Variants in ZNF280B observed in about 807,000 individuals in gnomAD.
The protein encoded by ZNF280B is suppressor of hairy wing homolog 2.
A neutral mutation model predicts 38.0 loss-of-function variants in ZNF280B; 16 were observed. The observed-to-expected ratio is 0.42, with a 90% CI of 0.28 to 0.64. The LOEUF (loss-of-function observed/expected upper bound fraction) is 0.64, where lower values mean the gene tolerates loss of function less well. ZNF280B is among the 30% of genes least tolerant of loss of function. The pLI is 0.21. For missense variants in ZNF280B, 581 were observed against 639.6 expected, an observed-to-expected ratio of 0.91 and a Z score of 0.99; for synonymous variants, 253 against 230.6, an observed-to-expected ratio of 1.10 and a Z score of -0.88.
At chr22:22,497,467 G>A (rs1203783982) in intron 2 of ZNF280B, among the ~76,000 whole-genome samples, 1 of 151,668 alleles carries the variant, frequency 6.6e-6, no homozygotes, top group Non-Finnish European at 1.5e-5. Flanking sequence ...GGAGGCGGAG[G>A]TTACAAAGGA....
intron 2 of ZNF280B, among the ~76,000 whole-genome samples, chr22:22,504,422 G>A (rs1165544508): frequency 3.0e-5 from 4 of 132,576 alleles, no homozygotes; most frequent in South Asian, 5.4e-4. Context: ...GCAAGACTCC[G>A]TCTGAAAAAA....
chr22:22,490,095 C>T (rs774985248), intron 3 of ZNF280B, among the ~76,000 whole-genome samples: 4 of 151,908 alleles, frequency 2.6e-5, no homozygotes, highest in South Asian at 4.2e-4. Flanking sequence ...CAACAAACAG[C>T]ATAGCACAAT....
At chr22:22,506,783 G>C (rs1048432031) in intron 2 of ZNF280B, among the ~76,000 whole-genome samples, 1 of 151,940 alleles carries the variant, frequency 6.6e-6, no homozygotes, top group African/African-American at 2.4e-5. Flanking sequence ...TTAGCAAGAA[G>C]TCAAATTATT....
intron 2 of ZNF280B, among the ~76,000 whole-genome samples, chr22:22,506,941 G>T (rs1343667530): frequency 2.0e-5 from 3 of 151,988 alleles, no homozygotes; most frequent in African/African-American, 7.2e-5. Context: ...CCACTAACAG[G>T]GTTGGCCTGT....
At position 22,504,343 on chromosome 22, in the gene ZNF280B, C is replaced by T. The variant is rs2061888927; in HGVS notation, c.-187+3467G>A. On this transcript the variant is annotated intron_variant, in intron 2 of 3. Coordinates refer to ENST00000626650, the MANE Select transcript of ZNF280B (RefSeq NM_080764.4). Reference sequence around the variant, plus strand: ...AGCTACTCAGGAGGCAGGAGAATTGCTTGAACCCGGGAGGCAGAGGTTGCA... The same window carrying T: ...AGCTACTCAGGAGGCAGGAGAATTGTTTGAACCCGGGAGGCAGAGGTTGCA... 1.3e-5 allele frequency among the ~76,000 whole-genome samples: 2 copies of T among 150,470 alleles called. 1 individual carries two copies. The highest frequency in any genetic ancestry group is 4.9e-5 in the African/African-American group (2 of 40,950).
At chr22:22,496,458 A>C (rs2061696989) in intron 2 of ZNF280B, among the ~76,000 whole-genome samples, 1 of 151,870 alleles carries the variant, frequency 6.6e-6, no homozygotes, top group Admixed American at 6.6e-5. Flanking sequence ...ACTTTTGAAA[A>C]AGTATTTATT....
intron 2 of ZNF280B, among the ~76,000 whole-genome samples, chr22:22,504,088 A>T (rs5758522): frequency 0.15 from 22,565 of 151,974 alleles, 1,964 homozygotes; most frequent in South Asian, 0.3. Flanking sequence ...AATGGACCTA[A>T]ACACACTTGT....
At chr22:22,500,311 A>C (rs752994128) in intron 2 of ZNF280B, among the ~76,000 whole-genome samples, 1 of 151,890 alleles carries the variant, frequency 6.6e-6, no homozygotes, top group Non-Finnish European at 1.5e-5. Flanking sequence ...CTATTAAAAT[A>C]GCCAAGGGGT....
intron 2 of ZNF280B, among the ~76,000 whole-genome samples, chr22:22,505,382 A>G (rs944248296): frequency 5.3e-5 from 8 of 151,782 alleles, no homozygotes; most frequent in African/African-American, 1.9e-4. Flanking sequence ...CCTGGCCAAC[A>G]TGGTGAAACC....
Position 22,508,650 on chromosome 22 carries a change from C to A in ZNF280B, c.-248+9G>T, listed in dbSNP as rs2061991229. On this transcript the variant is annotated intron_variant, in intron 1 of 3. Transcript: ENST00000626650. Reference sequence around the variant, plus strand: ...GAACGCTGAAGCCGCGCCACGCCCCCGTCCTTACCAGTCCGGATCAGCTGC... The same window carrying A: ...GAACGCTGAAGCCGCGCCACGCCCCAGTCCTTACCAGTCCGGATCAGCTGC... 6.6e-6 allele frequency: 1 copy of A among 151,978 alleles called. No individual in the cohort carries two copies. The highest frequency in any genetic ancestry group is 1.5e-5 in the Non-Finnish European group (1 of 68,072). The allele number at this position is 151,978 out of a possible 1,614,324, so 9.4% of individuals were successfully genotyped here.
In ZNF280B at chr22:22,489,267, T is replaced by G. The variant is rs1203902798; in HGVS notation, c.132A>C (p.Leu44=). The change falls in exon 4 of 4, where the codon CTA becomes CTC. Residue 44 remains leucine, a synonymous_variant. Transcript: ENST00000626650. ...GVEHVNEDAE[L]IFVGVTSNSK... is the part of the protein sequence containing the mutation. Reference sequence around the variant, plus strand: ...AATTTGAAGTCACCCCAACAAAGATTAGCTCAGCATCTTCATTTACATGTT... The same window carrying G: ...AATTTGAAGTCACCCCAACAAAGATGAGCTCAGCATCTTCATTTACATGTT... The G allele has an allele frequency of 6.2e-7, 1 of 1,613,876 alleles. No homozygotes were observed. Among genetic ancestry groups the G allele is most frequent in the South Asian group, 1.1e-5 (1 of 91,066 alleles).
intron 2 of ZNF280B, among the ~76,000 whole-genome samples, chr22:22,496,910 T>C (rs1306647200): frequency 8.7e-5 from 13 of 150,108 alleles, no homozygotes; most frequent in Admixed American, 6.0e-4. Flanking sequence ...CTCCACCTCC[T>C]GGGTTCAAGC....
At chr22:22,508,126 T>C (rs12160374) in intron 1 of ZNF280B, among the ~76,000 whole-genome samples, 10,123 of 151,690 alleles carry the variant, frequency 0.067, 1,148 homozygotes, top group African/African-American at 0.23. Context: ...GGGACTCCAT[T>C]AGGGTCCCAG....
chr22:22,496,783 T>G (rs137965446), intron 2 of ZNF280B, among the ~76,000 whole-genome samples: 3 of 151,272 alleles, frequency 2.0e-5, no homozygotes, highest in African/African-American at 4.9e-5. Flanking sequence ...TGAAAAAAAT[T>G]TGTGTGTGGC....
chr22:22,499,942 G>A (rs1380221028), intron 2 of ZNF280B, among the ~76,000 whole-genome samples: 1 of 151,858 alleles, frequency 6.6e-6, no homozygotes, highest in Non-Finnish European at 1.5e-5. Context: ...TTTTTTAAAA[G>A]GCCAAAGAAC....
Position 22,488,140 on chromosome 22 carries a change from G to T in ZNF280B, c.1259C>A (p.Thr420Lys). The T allele has an allele frequency of 6.2e-7, 1 of 1,613,890 alleles. No individual in the cohort carries two copies. Among genetic ancestry groups the T allele is most frequent in the Non-Finnish European group, 8.5e-7 (1 of 1,179,980 alleles). Residue 420 changes from threonine to lysine, a missense_variant, in exon 4 of 4, where the codon ACA becomes AAA. Physicochemically the swap from Thr to Lys is moderately conservative, Grantham distance 78. Transcript: ENST00000626650. The stretch of plus-strand genomic sequence containing the variant: ...GTTTTCATGGCACGTTCTAAAATGT[G>T]TTTCTACATCAGCAAAGACCGACGA... ...YRSSVFADVE[T>K]HFRTCHENTK...
At chr22:22,506,465 T>G (rs1258755018) in intron 2 of ZNF280B, among the ~76,000 whole-genome samples, 1 of 151,680 alleles carries the variant, frequency 6.6e-6, no homozygotes, top group Non-Finnish European at 1.5e-5. Flanking sequence ...AACTGACCAA[T>G]GGATTAAGCA....
Position 22,488,049 on chromosome 22 carries a change from A to G in ZNF280B, c.1350T>C (p.His450=), listed in dbSNP as rs777869695. The change falls in exon 4 of 4, where the codon CAT becomes CAC. Residue 450 remains histidine (H), a synonymous_variant. Coordinates refer to ENST00000626650, the MANE Select transcript of ZNF280B (RefSeq NM_080764.4). ...CACTCTTTCCCCAGTGGCCCCTATA[A>G]TGACACATGTATGGTGTTGCTGTTT... ...IFKTATPYMC[H]YRGHWGKSAH... 2 of 1,613,918 alleles carry G rather than the reference A, an allele frequency of 1.2e-6. No homozygotes were observed. The highest frequency in any genetic ancestry group is 2.7e-5 in the African/African-American group (2 of 74,972).
At chr22:22,507,928 C>G (rs1173436068) in intron 1 of ZNF280B, 58 bp from the exon 2 acceptor site, 1 of 151,960 alleles carries the variant, frequency 6.6e-6, no homozygotes, top group Non-Finnish European at 1.5e-5. Context: ...TATTTTCGAT[C>G]CCACTGCCTG....
Sources: gnomAD v4.1 joint callset for allele counts (sites outside exome capture counted in the v4.1 genomes callset) on GRCh38, gnomAD v4.1.1 for gene constraint, MANE v1.5 for transcripts, NCBI Gene and HGNC (gene_info 2026-07-23, HGNC 2026-07-21) for gene names.